The following BRIX1 variants were observed in gnomAD, a reference collection of about 807,000 sequenced individuals.
The protein encoded by BRIX1 is ribosome biogenesis protein BRX1 homolog.
A neutral mutation model predicts 44.0 loss-of-function variants in BRIX1; 15 were observed. That is an observed-to-expected ratio of 0.34 (90% CI 0.23 to 0.53). The LOEUF is 0.53. BRIX1 is among the 20% of genes least tolerant of loss of function. BRIX1 has a pLI of 0.95. For missense variants in BRIX1, 420 were observed against 432.8 expected (o/e 0.97, Z 0.26); for synonymous variants, 149 against 135.4 (o/e 1.10, Z -0.70).
At chr5:34,922,426 T>C (rs1580512899) in intron 4 of BRIX1, 113 bp from the exon 5 acceptor site, 4 of 913,164 alleles carry the variant, frequency 4.4e-6, no homozygotes, top group Non-Finnish European at 5.1e-6. Flanking sequence ...ACTTGATACC[T>C]TTAAAGAAAA....
chr5:34,923,046 A>C lies in BRIX1; in HGVS notation c.556A>C (p.Ile186Leu). The change falls in exon 7 of 10, where the codon ATT becomes CTT. Residue 186 changes from isoleucine to leucine, a missense_variant. Coordinates refer to ENST00000336767, the MANE Select transcript of BRIX1 (RefSeq NM_018321.4). ...PHYALLKELLIQIFSTPRYHP... is the reference protein window; with the variant it reads ...PHYALLKELLLQIFSTPRYHP... ...TTATGCTTTGTTAAAAGAACTCTTA[A>C]TTCAGGTAAATATCTTTAAAATTAG... The C allele has an allele frequency of 6.4e-7, 1 of 1,554,976 alleles. No individual in the cohort carries two copies. The highest frequency in any genetic ancestry group is 8.9e-7 in the Non-Finnish European group (1 of 1,126,976).
intron 3 of BRIX1, 56 bp from the exon 4 acceptor site, chr5:34,922,161 A>G (rs781084751): frequency 6.0e-4 from 578 of 968,500 alleles, no homozygotes; most frequent in Non-Finnish European, 8.5e-4. Context: ...ACATATAATT[A>G]CTTTAGTTCT....
intron 3 of BRIX1, 52 bp downstream of exon 3, chr5:34,919,935 C>T: frequency 1.5e-6 from 1 of 682,348 alleles, no homozygotes; most frequent in Non-Finnish European, 2.5e-6. Context: ...TTAACAGTGG[C>T]TTATTTCAAA....
Position 34,923,238 on chromosome 5 carries a change from A to G in BRIX1, c.663+4A>G. 1 of 1,581,138 alleles carries G rather than the reference A, an allele frequency of 6.3e-7. No individual in the cohort carries two copies. The highest frequency in any genetic ancestry group is 8.7e-7 in the Non-Finnish European group (1 of 1,150,558). On this transcript the variant is annotated splice_donor_region_variant and intron_variant, in intron 8 of 9. Coordinates refer to ENST00000336767, the MANE Select transcript of BRIX1 (RefSeq NM_018321.4). ...GATATGGTTTCGGAACTTTCAGGTA[A>G]GCTTTACTTGATTTTTAATTATACC...
chr5:34,923,558 G>A (rs767427670), intron 8 of BRIX1, among the ~76,000 whole-genome samples: 14 of 152,232 alleles, frequency 9.2e-5, no homozygotes, highest in Admixed American at 3.3e-4. Flanking sequence ...GATTCCAGGC[G>A]TGAGCCACTA....
intron 8 of BRIX1, among the ~76,000 whole-genome samples, chr5:34,924,025 G>C (rs185787861): frequency 1.5e-3 from 224 of 152,218 alleles, no homozygotes; most frequent in Non-Finnish European, 2.1e-3. Flanking sequence ...CTCTCTCAAA[G>C]CTTAGAAGTT....
chr5:34,921,983 A>ATAT (rs1764249466), intron 3 of BRIX1: 4 of 283,048 alleles, frequency 1.4e-5, no homozygotes, highest in Non-Finnish European at 2.6e-5. Flanking sequence ...AGGCCCAAAA[A>ATAT]TATGATAGAT....
intron 3 of BRIX1, chr5:34,920,628 G>A (rs1397520470): frequency 1.3e-5 from 2 of 152,158 alleles, no homozygotes; most frequent in African/African-American, 4.8e-5. Flanking sequence ...AAATAAAGCA[G>A]GTTATAGGTT....
chr5:34,925,772 A>G lies in BRIX1; in HGVS notation c.*277A>G. ...TTGGGTTGGAATTTTTGGTTTAGCA[A>G]AGCTGAAATTCAGACATTTATTAGG... On this transcript the variant is annotated 3_prime_UTR_variant, in exon 10 of 10. Coordinates refer to ENST00000336767, the MANE Select transcript of BRIX1 (RefSeq NM_018321.4). 1 of 304,650 alleles carries G rather than the reference A, an allele frequency of 3.3e-6. No individual in the cohort carries two copies. The highest frequency in any genetic ancestry group is 6.0e-6 in the Non-Finnish European group (1 of 166,382). The allele number at this position is 304,650 out of a possible 1,614,324, so 18.9% of individuals were successfully genotyped here. A position where few individuals can be genotyped will look rare whatever the true frequency, so the allele number is the denominator to read the frequency against.
chr5:34,918,368 A>C lies in BRIX1; in HGVS notation c.164A>C (p.Lys55Thr). Reference sequence around the variant, plus strand: ...TAACATTTTCTTTTTCTTTAGGGAAAGTGGAAAAATAAGGAACGGATTCTC... The same window carrying C: ...TAACATTTTCTTTTTCTTTAGGGAACGTGGAAAAATAAGGAACGGATTCTC... Reference protein sequence around the residue: ...DRIPGPVCKGKWKNKERILIF... With the variant: ...DRIPGPVCKGTWKNKERILIF... Residue 55 changes from lysine (K) to threonine (T), a missense_variant, in exon 2 of 10, where the codon AAG (lysine) becomes ACG (threonine). Coordinates refer to ENST00000336767, the MANE Select transcript of BRIX1 (RefSeq NM_018321.4). 7.1e-7 allele frequency: 1 copy of C among 1,407,364 alleles called. No individual in the cohort carries two copies. The highest frequency in any genetic ancestry group is 1.4e-5 in the African/African-American group (1 of 69,908). The allele number at this position is 1,407,364 out of a possible 1,614,324, so 87.2% of individuals were successfully genotyped here.
Position 34,925,569 on chromosome 5 carries a change from T to G in BRIX1, c.*74T>G, listed in dbSNP as rs1266633231. The G allele has an allele frequency of 1.6e-6, 2 of 1,262,674 alleles. No individual in the cohort carries two copies. Among genetic ancestry groups the G allele is most frequent in the African/African-American group, 3.0e-5 (2 of 65,986 alleles). The allele number at this position is 1,262,674 out of a possible 1,614,324, so 78.2% of individuals were successfully genotyped here. A position where few individuals can be genotyped will look rare whatever the true frequency, so the allele number is the denominator to read the frequency against. ...ATTCAATGTGTAAATACTTTTATTA[T>G]CTAATACTATCTTACGTCTAATTAG... On this transcript the variant is annotated 3_prime_UTR_variant, in exon 10 of 10. Transcript: ENST00000336767.
chr5:34,924,763 C>A, intron 8 of BRIX1, 84 bp from the exon 9 acceptor site: 1 of 796,008 alleles, frequency 1.3e-6, no homozygotes, highest in South Asian at 2.2e-5. Context: ...TTATTTCAGG[C>A]ACATTTATAA....
intron 3 of BRIX1, chr5:34,920,272 A>G (rs1764212466): frequency 6.5e-6 from 1 of 153,402 alleles, no homozygotes. Context: ...GCCAGTATTA[A>G]AAGTGATTTG....
chr5:34,922,211 C>A lies in BRIX1; in HGVS notation c.316-6C>A. 6.5e-7 allele frequency: 1 copy of A among 1,541,586 alleles called. No individual in the cohort carries two copies. Among genetic ancestry groups the A allele is most frequent in the Non-Finnish European group, 8.9e-7 (1 of 1,124,426 alleles). On this transcript the variant is annotated splice_polypyrimidine_tract_variant and splice_region_variant and intron_variant, in intron 3 of 9. Coordinates refer to ENST00000336767, the MANE Select transcript of BRIX1 (RefSeq NM_018321.4). ...ACTTCATTTTCCTATACTTTGCTTCCTTTAGGTTTGTGAAATGAAGAACTG... is the reference window on the plus strand; with the variant it reads ...ACTTCATTTTCCTATACTTTGCTTCATTTAGGTTTGTGAAATGAAGAACTG...
In BRIX1 at chr5:34,922,728, A is replaced by G; in HGVS notation, c.470A>G (p.Asn157Ser). ...HTLAELKMTG[N>S]CLKGSRPLLS... ...CTCGCTGAACTGAAGATGACTGGAA[A>G]CTGTTTGAAAGGTTCTCGGCCCCTT... The change falls in exon 6 of 10, where the codon AAC becomes AGC. Residue 157 changes from asparagine to serine, a missense_variant. Asn to Ser is a conservative substitution (Grantham distance 46, BLOSUM62 1). Coordinates refer to ENST00000336767, the MANE Select transcript of BRIX1 (RefSeq NM_018321.4). The G allele has an allele frequency of 6.2e-7, 1 of 1,614,052 alleles. No homozygotes were observed. Among genetic ancestry groups the G allele is most frequent in the Admixed American group, 1.7e-5 (1 of 60,022 alleles).
At position 34,919,892 on chromosome 5, in the gene BRIX1, G is replaced by T; in HGVS notation, c.315+9G>T. ...TATTTGTGATTAACGAGGTAATTTT[G>T]GAAAGTAATTGCAACAAAATATTTT... On this transcript the variant is annotated intron_variant, in intron 3 of 9. Coordinates refer to ENST00000336767, the MANE Select transcript of BRIX1 (RefSeq NM_018321.4). The T allele has an allele frequency of 9.2e-7, 1 of 1,081,860 alleles. No homozygotes were observed. Among genetic ancestry groups the T allele is most frequent in the Non-Finnish European group, 1.4e-6 (1 of 734,266 alleles). 67.0% of individuals were successfully genotyped at this position (1,081,860 alleles called of 1,614,324 possible).
rs1211466776 is a variant in BRIX1 at position 34,915,789 on chromosome 5, G to A, written c.51G>A (p.Lys17=). ...GTGGAGGCTTTGCAGTTCAGGCGAA[G>A]AAGCCAAAAAGAAACGAAATAGATG... ...KRRGGFAVQA[K]KPKRNEIDAE... The change falls in exon 1 of 10, where the codon AAG becomes AAA. Residue 17 remains lysine (K), a synonymous_variant. Coordinates refer to ENST00000336767, the MANE Select transcript of BRIX1 (RefSeq NM_018321.4). The A allele has an allele frequency of 3.1e-6, 5 of 1,595,354 alleles. No individual in the cohort carries two copies. The East Asian group carries it at 6.8e-5, about 22-fold the overall frequency.
rs1351328465 is a variant in BRIX1, at chr5:34,915,777, A to C, written c.39A>C (p.Ala13=). Residue 13 remains alanine (A), a synonymous_variant, in exon 1 of 10, where the codon GCA becomes GCC. Coordinates refer to ENST00000336767, the MANE Select transcript of BRIX1 (RefSeq NM_018321.4). ...ATKRKRRGGF[A]VQAKKPKRNE... ...AGAGGAAACGGCGTGGAGGCTTTGC[A>C]GTTCAGGCGAAGAAGCCAAAAAGAA... is the stretch of plus-strand genomic sequence containing the variant. 6.2e-6 allele frequency: 10 copies of C among 1,600,398 alleles called. No homozygotes were observed. Among genetic ancestry groups the C allele is most frequent in the Non-Finnish European group, 8.5e-6 (10 of 1,173,606 alleles).
chr5:34,917,564 C>T (rs187754506), intron 1 of BRIX1, among the ~76,000 whole-genome samples: 432 of 152,042 alleles, frequency 2.8e-3, no homozygotes, highest in African/African-American at 5.2e-3. Flanking sequence ...CGCTTGAACC[C>T]GGGAGGTGGA....
Sources: allele counts gnomAD v4.1 joint callset (sites outside exome capture counted in the v4.1 genomes callset), GRCh38; gene constraint gnomAD v4.1.1; transcripts MANE v1.5; gene names NCBI Gene and HGNC (gene_info 2026-07-23, HGNC 2026-07-21).